Variants in CSMD1 observed in about 807,000 individuals in gnomAD.
CSMD1 encodes CUB and sushi domain-containing protein 1.
A neutral mutation model predicts 417.5 loss-of-function variants in CSMD1; 213 were observed. The observed-to-expected ratio is 0.51, with a 90% CI of 0.46 to 0.57. The LOEUF is 0.57. Ranked by LOEUF, CSMD1 falls within the 20% of genes least tolerant of loss-of-function variation. The pLI is 0.00. For synonymous variants in CSMD1, 2,862 were observed against 1,736.8 expected, an observed-to-expected ratio of 1.65 and a Z score of -16.11; for missense variants, 6,923 against 4,529.7, an observed-to-expected ratio of 1.53 and a Z score of -15.17.
intron 41 of CSMD1, among the ~76,000 whole-genome samples, chr8:3,130,345 A>T (rs1450628305): frequency 6.6e-6 from 1 of 152,114 alleles, no homozygotes; most frequent in Non-Finnish European, 1.5e-5. Flanking sequence ...GCATACAGCC[A>T]GACGAGGCGA....
At chr8:3,075,813 G>A (rs1327895747) in intron 49 of CSMD1, among the ~76,000 whole-genome samples, 6 of 151,528 alleles carry the variant, frequency 4.0e-5, no homozygotes, top group Non-Finnish European at 5.9e-5. Context: ...AGGCCAAGGC[G>A]GGTGGATCAC....
chr8:4,270,980 T>A (rs1450765563), intron 3 of CSMD1, among the ~76,000 whole-genome samples: 1 of 152,180 alleles, frequency 6.6e-6, no homozygotes. Flanking sequence ...GTTCACTCTT[T>A]ACTGAGATTG....
chr8:4,077,486 C>T (rs186048407), intron 3 of CSMD1, among the ~76,000 whole-genome samples: 1 of 151,856 alleles, frequency 6.6e-6, no homozygotes, highest in Non-Finnish European at 1.5e-5. Flanking sequence ...TGAGGCTTCA[C>T]CTCAGTTTAC....
intron 48 of CSMD1, among the ~76,000 whole-genome samples, chr8:3,088,052 A>G (rs1471829386): frequency 5.3e-5 from 8 of 152,222 alleles, no homozygotes; most frequent in African/African-American, 1.9e-4. Context: ...TGGGATTTGA[A>G]TGAAATCTTT....
chr8:3,871,179 A>G (rs1805460315), intron 5 of CSMD1, among the ~76,000 whole-genome samples: 1 of 152,110 alleles, frequency 6.6e-6, no homozygotes. Context: ...CTTCTAATGC[A>G]AATGTGCAAA....
At chr8:4,325,262 C>T (rs190085658) in intron 3 of CSMD1, among the ~76,000 whole-genome samples, 1 of 152,298 alleles carries the variant, frequency 6.6e-6, no homozygotes, top group East Asian at 1.9e-4. Flanking sequence ...AGACCTTCTT[C>T]TGTTCCTCCC....
chr8:4,785,445 G>C (rs1043917726), intron 1 of CSMD1, among the ~76,000 whole-genome samples: 1 of 152,098 alleles, frequency 6.6e-6, no homozygotes, highest in Non-Finnish European at 1.5e-5. Context: ...ATCACCATTA[G>C]CTCATGCAGC....
chr8:3,938,169 A>T (rs1019314645), intron 5 of CSMD1, among the ~76,000 whole-genome samples: 1 of 152,158 alleles, frequency 6.6e-6, no homozygotes, highest in Non-Finnish European at 1.5e-5. Context: ...TGTGTCAATA[A>T]AAGTTGGGCA....
At chr8:4,558,894 C>T (rs187921803) in intron 2 of CSMD1, among the ~76,000 whole-genome samples, 36 of 146,436 alleles carry the variant, frequency 2.5e-4, no homozygotes, top group Admixed American at 4.2e-4. Context: ...TAAATCAAAT[C>T]AAAACAAAAC....
chr8:4,339,098 A>G (rs1469639195), intron 3 of CSMD1, among the ~76,000 whole-genome samples: 1 of 152,104 alleles, frequency 6.6e-6, no homozygotes, highest in Admixed American at 6.6e-5. Flanking sequence ...GAGTCTAGAC[A>G]AAAGAGCTCA....
intron 3 of CSMD1, among the ~76,000 whole-genome samples, chr8:4,379,353 G>A (rs554234252): frequency 6.6e-6 from 1 of 152,200 alleles, no homozygotes; most frequent in African/African-American, 2.4e-5. Context: ...AGATTCAGGA[G>A]ACAGGAGGAA....
At chr8:4,244,072 T>C (rs1250730737) in intron 3 of CSMD1, among the ~76,000 whole-genome samples, 4 of 152,190 alleles carry the variant, frequency 2.6e-5, no homozygotes, top group African/African-American at 4.8e-5. Context: ...GGTAGTCCTG[T>C]TGTGGACAGC....
At position 3,833,595 on chromosome 8, in the gene CSMD1, A is replaced by G. The variant is rs147819503; in HGVS notation, c.819-79553T>C. On this transcript the variant is annotated intron_variant, in intron 5 of 69. Coordinates refer to ENST00000635120, the MANE Select transcript of CSMD1 (RefSeq NM_033225.6). Reference sequence around the variant, plus strand: ...TTTTGTTTTTCATAATTTTGATGATACTTTGAACAATAATTTCTTTAAAAC... The same window carrying G: ...TTTTGTTTTTCATAATTTTGATGATGCTTTGAACAATAATTTCTTTAAAAC... Among the ~76,000 whole-genome samples the G allele has an allele frequency of 1.1e-3, 165 of 152,204 alleles. 1 individual carries two copies. The highest frequency in any genetic ancestry group is 4.6e-3 in the South Asian group (22 of 4,830).
intron 5 of CSMD1, among the ~76,000 whole-genome samples, chr8:3,851,018 C>T (rs1803869413): frequency 6.6e-6 from 1 of 152,092 alleles, no homozygotes; most frequent in African/African-American, 2.4e-5. Context: ...ATGTGTTTTT[C>T]CTGCAGTGAT....
At chr8:4,818,098 T>G (rs573044582) in intron 1 of CSMD1, among the ~76,000 whole-genome samples, 1 of 152,168 alleles carries the variant, frequency 6.6e-6, no homozygotes, top group South Asian at 2.1e-4. Context: ...ACTGAACACA[T>G]GTAATACAGA....
At chr8:4,217,983 G>T (rs998029800) in intron 3 of CSMD1, among the ~76,000 whole-genome samples, 4 of 152,190 alleles carry the variant, frequency 2.6e-5, no homozygotes, top group African/African-American at 9.6e-5. Context: ...GTGGGAAACA[G>T]TGAAGAAGAA....
chr8:4,562,064 G>A (rs1293166738), intron 2 of CSMD1, among the ~76,000 whole-genome samples: 4 of 152,180 alleles, frequency 2.6e-5, no homozygotes, highest in Admixed American at 6.5e-5. Flanking sequence ...GCAAAGAGAC[G>A]TCAATTACAT....
intron 5 of CSMD1, among the ~76,000 whole-genome samples, chr8:3,966,537 G>C (rs1043590102): frequency 6.6e-6 from 1 of 152,076 alleles, no homozygotes; most frequent in Non-Finnish European, 1.5e-5. Context: ...GTATTCTTTT[G>C]TTTCAGGTTT....
chr8:3,969,997 C>T (rs536560188), intron 5 of CSMD1, among the ~76,000 whole-genome samples: 1 of 152,178 alleles, frequency 6.6e-6, no homozygotes, highest in African/African-American at 2.4e-5. Flanking sequence ...ACATTTGATT[C>T]AGTAATTTGG....
Sources: gnomAD v4.1 joint callset for allele counts (sites outside exome capture counted in the v4.1 genomes callset) on GRCh38, gnomAD v4.1.1 for gene constraint, MANE v1.5 for transcripts, NCBI Gene and HGNC (gene_info 2026-07-23, HGNC 2026-07-21) for gene names.